TMEM260: variants seen among roughly 807,000 people sequenced by gnomAD.
TMEM260 encodes transmembrane protein 260.
A neutral mutation model predicts 88.9 loss-of-function variants in TMEM260; 82 were observed. The ratio of observed to expected loss-of-function variants is 0.92; its 90% CI spans 0.77 to 1.11. The LOEUF (loss-of-function observed/expected upper bound fraction) is 1.11. TMEM260 is among the 50% of genes least tolerant of loss of function. The pLI is 0.00. For synonymous variants in TMEM260, 314 were observed against 309.3 expected (o/e 1.02, Z -0.16); for missense variants, 902 against 853.4 (o/e 1.06, Z -0.71).
At chr14:56,586,281 G>A (rs561516882) in intron 3 of TMEM260, among the ~76,000 whole-genome samples, 108 of 152,244 alleles carry the variant, frequency 7.1e-4, no homozygotes, top group African/African-American at 2.5e-3. Flanking sequence ...ACGAGCAGCT[G>A]CCTATCAGGT....
chr14:56,618,686 G>A lies in TMEM260; in HGVS notation c.1149G>A (p.Leu383=). The change falls in exon 10 of 16, where the codon CTG becomes CTA. Residue 383 remains leucine (L), a synonymous_variant. Transcript: ENST00000261556. ...AAVVSETNRV[L]NSNGLQCLEW... is the part of the protein sequence containing the mutation. ...TTGTGTCTGAGACTAACCGAGTGCT[G>A]AATAGCAATGGGCTTCAGTGTCTGG... 6.2e-7 allele frequency: 1 copy of A among 1,614,188 alleles called. No homozygotes were observed. Among genetic ancestry groups the A allele is most frequent in the African/African-American group, 1.3e-5 (1 of 75,046 alleles).
At chr14:56,580,469 T>G (rs1255564649) in intron 1 of TMEM260, among the ~76,000 whole-genome samples, 1 of 152,176 alleles carries the variant, frequency 6.6e-6, no homozygotes, top group African/African-American at 2.4e-5. Context: ...AGTGTTCCAG[T>G]GCGGTTAGAC....
chr14:56,601,763 C>T (rs1886589911), intron 3 of TMEM260, among the ~76,000 whole-genome samples: 1 of 152,060 alleles, frequency 6.6e-6, no homozygotes, highest in African/African-American at 2.4e-5. Flanking sequence ...CAAGCTGTTA[C>T]TATAATTATT....
intron 1 of TMEM260, among the ~76,000 whole-genome samples, chr14:56,583,181 T>G (rs1266279093): frequency 6.6e-6 from 1 of 152,168 alleles, no homozygotes; most frequent in Non-Finnish European, 1.5e-5. Flanking sequence ...AGCTAATCCA[T>G]TATGGAGTAA....
downstream of TMEM260, among the ~76,000 whole-genome samples, chr14:56,653,114 C>T (rs1156602179): frequency 2.0e-5 from 3 of 152,042 alleles, no homozygotes; most frequent in East Asian, 3.9e-4. Flanking sequence ...GCCAACGTGG[C>T]GAAACCCCGT....
At chr14:56,656,421 A>T in the TMEM260 span, among the ~76,000 whole-genome samples, 1 of 151,990 alleles carries the variant, frequency 6.6e-6, no homozygotes, top group East Asian at 1.9e-4. Flanking sequence ...CCTTATCTCA[A>T]ATAAATAAAT....
chr14:56,659,567 C>T, the TMEM260 span, among the ~76,000 whole-genome samples: 2 of 152,222 alleles, frequency 1.3e-5, no homozygotes, highest in Non-Finnish European at 2.9e-5. Flanking sequence ...CTGTTTTCAG[C>T]ACCTTGGGAG....
At chr14:56,657,054 A>G in the TMEM260 span, among the ~76,000 whole-genome samples, 1 of 152,074 alleles carries the variant, frequency 6.6e-6, no homozygotes, top group Non-Finnish European at 1.5e-5. Flanking sequence ...TACCATCTAT[A>G]TATTTGATCT....
At chr14:56,608,012 CTAATTT>C (rs1290035098) in intron 5 of TMEM260, among the ~76,000 whole-genome samples, 1 of 152,116 alleles carries the variant, frequency 6.6e-6, no homozygotes, top group East Asian at 1.9e-4. Context: ...TTTTTAAAAA[CTAATTT>C]TAAGAATAGC....
intron 14 of TMEM260, 131 bp from the exon 15 acceptor site, chr14:56,636,377 A>T: frequency 1.4e-6 from 1 of 698,128 alleles, no homozygotes; most frequent in Non-Finnish European, 2.5e-6. Context: ...CATGAATATG[A>T]GAGAATTGAA....
chr14:56,610,971 T>C lies in TMEM260; in HGVS notation c.817-1274T>C, dbSNP rs7143530. ...CTTTTCTTTCTTTCTTTCTTTCTTT[T>C]TTTTTTTTTTTTTGAGACAGAGTCT... On this transcript the variant is annotated intron_variant, in intron 6 of 15. Coordinates refer to ENST00000261556, the MANE Select transcript of TMEM260 (RefSeq NM_017799.4). 8.2e-5 allele frequency among the ~76,000 whole-genome samples: 12 copies of C among 146,572 alleles called. No homozygotes were observed. In the South Asian group the frequency reaches 8.5e-4, roughly 10 times the overall value.
chr14:56,616,071 G>A, intron 8 of TMEM260, 44 bp downstream of exon 8: 2 of 1,399,990 alleles, frequency 1.4e-6, no homozygotes, highest in Non-Finnish European at 2.0e-6. Flanking sequence ...CTATGTTCAT[G>A]AATTGAATTA....
Position 56,647,897 on chromosome 14 carries a change from GA to G in TMEM260, c.*401del, listed in dbSNP as rs1890066209. The G allele has an allele frequency of 2.6e-5, 4 of 154,660 alleles. No homozygotes were observed. In the South Asian group the frequency reaches 7.8e-4, roughly 30 times the overall value. The allele number at this position is 154,660 out of a possible 1,614,324, so 9.6% of individuals were successfully genotyped here. On this transcript the variant is annotated 3_prime_UTR_variant, in exon 16 of 16. Transcript: ENST00000261556. ...TTAAATTCTTTTGATATTAATACCA[GA>G]CCAAAGACATTTTCTGTTTCCTGGA...
chr14:56,652,826 TTC>T (rs1310306698), downstream of TMEM260, among the ~76,000 whole-genome samples: 26 of 152,342 alleles, frequency 1.7e-4, no homozygotes, highest in African/African-American at 5.3e-4. Context: ...ACAGTTAAGT[TTC>T]TCTTTCAGTG....
Position 56,605,586 on chromosome 14 carries a change from C to T in TMEM260, c.539C>T (p.Ala180Val), listed in dbSNP as rs1459062972. Residue 180 changes from alanine (A) to valine (V), a missense_variant, in exon 5 of 16, where the codon GCT (alanine) becomes GTT (valine). Physicochemically the swap from Ala to Val is moderately conservative, Grantham distance 64. Coordinates refer to ENST00000261556, the MANE Select transcript of TMEM260 (RefSeq NM_017799.4). ...TATTTTCAGGTAGCTAAAATTGGTG[C>T]TTTCTGCTGTGGCCTTAGTTTATGT... ...KERSKVAKIG[A>V]FCCGLSLCNQ... The T allele has an allele frequency of 1.3e-6, 2 of 1,516,876 alleles. No individual in the cohort carries two copies. Among genetic ancestry groups the T allele is most frequent in the Non-Finnish European group, 8.8e-7 (1 of 1,132,800 alleles). The allele number at this position is 1,516,876 out of a possible 1,614,324, so 94.0% of individuals were successfully genotyped here. A position where few individuals can be genotyped will look rare whatever the true frequency, so the allele number is the denominator to read the frequency against.
At chr14:56,624,292 G>C (rs1314256725) in intron 11 of TMEM260, among the ~76,000 whole-genome samples, 2 of 152,278 alleles carry the variant, frequency 1.3e-5, no homozygotes, top group African/African-American at 2.4e-5. Context: ...TTTGAGAACT[G>C]GCCAGGTGTG....
At chr14:56,623,460 G>A (rs1409233644) in intron 11 of TMEM260, among the ~76,000 whole-genome samples, 1 of 152,016 alleles carries the variant, frequency 6.6e-6, no homozygotes, top group Non-Finnish European at 1.5e-5. Flanking sequence ...CTCCACTCAG[G>A]CCCCACTGAC....
At chr14:56,595,244 T>C (rs1256095682) in intron 3 of TMEM260, among the ~76,000 whole-genome samples, 2 of 152,226 alleles carry the variant, frequency 1.3e-5, no homozygotes, top group Non-Finnish European at 2.9e-5. Context: ...CGCAACCTCA[T>C]TTGAATTTCT....
chr14:56,636,784 G>A (rs539680746), intron 15 of TMEM260, among the ~76,000 whole-genome samples, 186 bp downstream of exon 15: 2 of 151,744 alleles, frequency 1.3e-5, no homozygotes, highest in African/African-American at 4.9e-5. Flanking sequence ...GTAAATGGCT[G>A]TGGTAGGCAG....
Sources: allele counts gnomAD v4.1 joint callset (sites outside exome capture counted in the v4.1 genomes callset), GRCh38; gene constraint gnomAD v4.1.1; transcripts MANE v1.5; gene names NCBI Gene and HGNC (gene_info 2026-07-23, HGNC 2026-07-21).